MARCHF8: variants seen among roughly 807,000 people sequenced by gnomAD.
MARCHF8 encodes the protein E3 ubiquitin-protein ligase MARCHF8.
Under a neutral mutation model 51.6 loss-of-function variants are expected in MARCHF8, and 40 were observed. That is an observed-to-expected ratio of 0.77 (90% confidence interval 0.60 to 1.01). The LOEUF (loss-of-function observed/expected upper bound fraction) is 1.01. Ranked by LOEUF, MARCHF8 falls within the 50% of genes least tolerant of loss-of-function variation. The pLI is 0.00. For missense variants in MARCHF8, 685 were observed against 708.6 expected, an observed-to-expected ratio of 0.97 and a Z score of 0.38; for synonymous variants, 263 against 280.3, an observed-to-expected ratio of 0.94 and a Z score of 0.62.
chr10:45,585,750 A>G (rs534440933), intron 1 of MARCHF8, among the ~76,000 whole-genome samples: 1 of 152,286 alleles, frequency 6.6e-6, no homozygotes, highest in East Asian at 1.9e-4. Context: ...TATCTATTCA[A>G]TATTTGAAAA....
At position 45,525,504 on chromosome 10, in the gene MARCHF8, G is replaced by A. The variant is rs554426986; in HGVS notation, c.102+7606C>T. ...CAATTTGGGTTCCAGACATGTAGAA[G>A]AATTCCAGATAATTCATGTAAAGAC... On this transcript the variant is annotated intron_variant, in intron 2 of 7. Coordinates refer to ENST00000453424, the MANE Select transcript of MARCHF8 (RefSeq NM_001282866.2). 3.3e-5 allele frequency among the ~76,000 whole-genome samples: 5 copies of A among 152,272 alleles called. No homozygotes were observed. The South Asian group carries it at 1.0e-3, about 32-fold the overall frequency.
At chr10:45,463,111 G>A (rs114690462) in intron 5 of MARCHF8, 40 bp downstream of exon 5, 324 of 1,524,436 alleles carry the variant, frequency 2.1e-4, no homozygotes, top group Non-Finnish European at 2.7e-4. Context: ...TTCCTGATGC[G>A]AGCAGAGATG....
chr10:45,536,618 G>C (rs1308094191), upstream of MARCHF8, among the ~76,000 whole-genome samples: 1 of 151,412 alleles, frequency 6.6e-6, no homozygotes, highest in Non-Finnish European at 1.5e-5. Context: ...AAAGACAACT[G>C]ACAGAAGAAA....
chr10:45,477,273 C>T (rs1034764254), intron 3 of MARCHF8, among the ~76,000 whole-genome samples: 3 of 152,080 alleles, frequency 2.0e-5, no homozygotes, highest in African/African-American at 7.2e-5. Flanking sequence ...GAAATAAAGT[C>T]CTTCCCAGAC....
At chr10:45,485,935 C>A (rs1261736088) in intron 3 of MARCHF8, among the ~76,000 whole-genome samples, 1 of 152,146 alleles carries the variant, frequency 6.6e-6, no homozygotes, top group Admixed American at 6.5e-5. Context: ...CGGCCTAAAA[C>A]TGGCTTCAAA....
chr10:45,571,927 G>A (rs2044433359), intron 1 of MARCHF8, among the ~76,000 whole-genome samples: 1 of 152,268 alleles, frequency 6.6e-6, no homozygotes, highest in African/African-American at 2.4e-5. Flanking sequence ...TTCCCTTGGT[G>A]TTTAATCACG....
intron 2 of MARCHF8, among the ~76,000 whole-genome samples, chr10:45,492,671 C>T (rs1160036118): frequency 6.6e-6 from 1 of 152,142 alleles, no homozygotes; most frequent in Non-Finnish European, 1.5e-5. Flanking sequence ...AGATATTTTC[C>T]AGAAAGCAAG....
chr10:45,467,808 G>A (rs1040550737), intron 3 of MARCHF8, among the ~76,000 whole-genome samples: 1 of 152,128 alleles, frequency 6.6e-6, no homozygotes, highest in Admixed American at 6.5e-5. Flanking sequence ...CCTCTCCATA[G>A]GATCAGACCA....
At chr10:45,494,782 T>C (rs1046039772) in intron 2 of MARCHF8, among the ~76,000 whole-genome samples, 1 of 152,196 alleles carries the variant, frequency 6.6e-6, no homozygotes, top group African/African-American at 2.4e-5. Context: ...AGATAGTTAC[T>C]AGAAGTCTGA....
intron 2 of MARCHF8, among the ~76,000 whole-genome samples, chr10:45,522,787 T>C (rs533272538): frequency 2.0e-5 from 3 of 152,250 alleles, no homozygotes; most frequent in Non-Finnish European, 4.4e-5. Flanking sequence ...ACACACAAAT[T>C]CGGCATTAGG....
chr10:45,494,899 C>T (rs1379919930), intron 2 of MARCHF8, among the ~76,000 whole-genome samples: 2 of 152,152 alleles, frequency 1.3e-5, no homozygotes, highest in East Asian at 1.9e-4. Context: ...GTGGGAGGAT[C>T]ACCTGAGGTC....
chr10:45,496,359 A>G (rs2043175228), intron 2 of MARCHF8, among the ~76,000 whole-genome samples: 2 of 152,180 alleles, frequency 1.3e-5, no homozygotes, highest in Non-Finnish European at 2.9e-5. Flanking sequence ...AAGAAATGTA[A>G]TGTATTTAAT....
chr10:45,458,792 C>T (rs953907974), intron 7 of MARCHF8, among the ~76,000 whole-genome samples: 1 of 152,202 alleles, frequency 6.6e-6, no homozygotes, highest in Admixed American at 6.5e-5. Context: ...CTGGGGACCA[C>T]AAGCCTGCAC....
intron 2 of MARCHF8, among the ~76,000 whole-genome samples, chr10:45,507,368 G>C (rs1294311875): frequency 6.6e-6 from 1 of 152,184 alleles, no homozygotes; most frequent in Non-Finnish European, 1.5e-5. Context: ...AAGAAAAGAG[G>C]ATTATTTGGC....
At chr10:45,470,267 G>A (rs1843126916) in intron 3 of MARCHF8, among the ~76,000 whole-genome samples, 1 of 152,196 alleles carries the variant, frequency 6.6e-6, no homozygotes, top group Non-Finnish European at 1.5e-5. Context: ...GGGGAGGACT[G>A]CGTTTACACA....
chr10:45,535,947 T>A (rs1275997084), upstream of MARCHF8, among the ~76,000 whole-genome samples: 1 of 152,176 alleles, frequency 6.6e-6, no homozygotes, highest in Non-Finnish European at 1.5e-5. Context: ...TGTTCATGGA[T>A]CAGAAGATTT....
intron 1 of MARCHF8, among the ~76,000 whole-genome samples, chr10:45,558,693 G>C (rs779446472): frequency 1.3e-5 from 2 of 152,210 alleles, no homozygotes; most frequent in Non-Finnish European, 2.9e-5. Context: ...GCACTAGCAG[G>C]CTGTGTGTAC....
intron 2 of MARCHF8, among the ~76,000 whole-genome samples, chr10:45,524,820 C>T (rs1206043266): frequency 6.6e-6 from 1 of 151,620 alleles, no homozygotes; most frequent in Non-Finnish European, 1.5e-5. Flanking sequence ...AAAAAAAAAG[C>T]ACAAAACAAC....
chr10:45,463,800 T>C lies in MARCHF8; in HGVS notation c.439A>G (p.Lys147Glu), dbSNP rs1202613978. 7 of 1,550,100 alleles carry C rather than the reference T, an allele frequency of 4.5e-6. No homozygotes were observed. The highest frequency in any genetic ancestry group is 6.1e-6 in the Non-Finnish European group (7 of 1,147,122). Residue 147 changes from lysine to glutamate, a missense_variant, in exon 5 of 8, where the codon AAA (lysine) becomes GAA (glutamate). By Grantham distance (56) the Lys-to-Glu change is moderately conservative. Transcript: ENST00000453424. ...AQALKPAKNT[K>E]ARRTLKFSRS... ...GAGAACTTTAGTGTTCTTCTGGCTT[T>C]GGTATTCTTAGCAGGCTTCAAGGCC...
Sources: gnomAD v4.1 joint callset for allele counts (sites outside exome capture counted in the v4.1 genomes callset) on GRCh38, gnomAD v4.1.1 for gene constraint, MANE v1.5 for transcripts, NCBI Gene and HGNC (gene_info 2026-07-23, HGNC 2026-07-21) for gene names.